Variants in RFX2 observed in about 807,000 individuals in gnomAD.
RFX2 encodes the protein regulatory factor X2.
Under a neutral mutation model 87.8 loss-of-function variants are expected in RFX2, and 20 were observed. The ratio of observed to expected loss-of-function variants is 0.23; its 90% CI spans 0.16 to 0.33. RFX2 has a LOEUF of 0.33. Among genes scored for constraint, RFX2 ranks in the 10% least tolerant of loss-of-function variants. RFX2 has a pLI of 1.00. For synonymous variants in RFX2, 397 were observed against 431.3 expected, an observed-to-expected ratio of 0.92 and a Z score of 0.98; for missense variants, 767 against 1,012.3, an observed-to-expected ratio of 0.76 and a Z score of 3.29.
chr19:6,062,905 A>G (rs2087457583), intron 1 of RFX2, among the ~76,000 whole-genome samples: 1 of 152,136 alleles, frequency 6.6e-6, no homozygotes, highest in African/African-American at 2.4e-5. Context: ...GAATGTAAAG[A>G]TCTGGGGGTC....
At chr19:6,008,383 T>C in intron 9 of RFX2, 159 bp from the exon 10 acceptor site, 1 of 476,008 alleles carries the variant, frequency 2.1e-6, no homozygotes, top group Admixed American at 3.7e-5. Flanking sequence ...TTCTTTTTTT[T>C]TTTTTTGGAG....
At position 6,047,294 on chromosome 19, in the gene RFX2, G is replaced by T; in HGVS notation, c.90+113C>A. 1.2e-6 allele frequency: 1 copy of T among 813,678 alleles called. No individual in the cohort carries two copies. The highest frequency in any genetic ancestry group is 1.9e-6 in the Non-Finnish European group (1 of 527,542). The allele number at this position is 813,678 out of a possible 1,614,324, so 50.4% of individuals were successfully genotyped here. A position where few individuals can be genotyped will look rare whatever the true frequency, so the allele number is the denominator to read the frequency against. ...ACAGCAGCAGCACTGGGACTGAGAA[G>T]TCCATTCAGAAAAATACAGATTCCT... On this transcript the variant is annotated intron_variant, in intron 2 of 17. Transcript: ENST00000303657. The surrounding 1 kb of genome is among the most constrained non-coding windows in gnomAD (Gnocchi z 4.2).
In RFX2 at chr19:6,042,041, C is replaced by G. The variant is rs1173525354; in HGVS notation, c.260+3G>C. The G allele has an allele frequency of 6.2e-7, 1 of 1,613,432 alleles. No individual in the cohort carries two copies. The highest frequency in any genetic ancestry group is 1.3e-5 in the African/African-American group (1 of 74,906). ...GGGTGTGGCCCGCGGGAGAAGCACGCACATGGCTCCATTGGTGTAGACGGC... is the reference window on the plus strand; with the variant it reads ...GGGTGTGGCCCGCGGGAGAAGCACGGACATGGCTCCATTGGTGTAGACGGC... On this transcript the variant is annotated splice_donor_region_variant and intron_variant, in intron 4 of 17. Coordinates refer to ENST00000303657, the MANE Select transcript of RFX2 (RefSeq NM_000635.4).
Position 5,994,904 on chromosome 19 carries a change from G to A in RFX2, c.2103C>T (p.Ala701=). The change falls in exon 18 of 18, where the codon GCC becomes GCT. Residue 701 remains alanine, a synonymous_variant. Coordinates refer to ENST00000303657, the MANE Select transcript of RFX2 (RefSeq NM_000635.4). ...TTACCAGGGGCTCACCCAGGCTGCG[G>A]GCGTCTGGGCCCGCCTCGCTGCCAC... ...EQRGSEAGPD[A]RSLGEPLVKR... The A allele has an allele frequency of 6.2e-7, 1 of 1,609,884 alleles. No homozygotes were observed. The highest frequency in any genetic ancestry group is 1.3e-5 in the African/African-American group (1 of 75,060).
chr19:6,079,335 CTG>C (rs2087743496), intron 1 of RFX2, among the ~76,000 whole-genome samples: 2 of 152,220 alleles, frequency 1.3e-5, no homozygotes, highest in African/African-American at 2.4e-5. Context: ...CACACAAGGA[CTG>C]TGCTCCAGCA....
Position 6,056,763 on chromosome 19 carries a change from C to T in RFX2, c.-8-9259G>A, listed in dbSNP as rs1385436158. ...CCTTGCTTTCTCGCGTTCCTTTGTC[C>T]TCTCTTCTGTTTTTCTTCCTGTGGC... On this transcript the variant is annotated intron_variant, in intron 1 of 17. Transcript: ENST00000303657. The surrounding 1 kb of genome is among the most constrained non-coding windows in gnomAD (Gnocchi z 4.6). Among the ~76,000 whole-genome samples the T allele has an allele frequency of 2.0e-5, 3 of 152,188 alleles. No homozygotes were observed. The highest frequency in any genetic ancestry group is 7.2e-5 in the African/African-American group (3 of 41,436).
At chr19:6,085,158 A>G (rs1028149059) in intron 1 of RFX2, among the ~76,000 whole-genome samples, 1 of 152,056 alleles carries the variant, frequency 6.6e-6, no homozygotes, top group South Asian at 2.1e-4. Context: ...TGCTATGAAC[A>G]TGAGTGTACA....
rs1397402587 is a variant in RFX2 at position 6,004,123 on chromosome 19, A to T, written c.1500+78T>A. 1.8e-6 allele frequency: 2 copies of T among 1,085,018 alleles called. No homozygotes were observed. The highest frequency in any genetic ancestry group is 3.1e-5 in the African/African-American group (2 of 64,610). The allele number at this position is 1,085,018 out of a possible 1,614,324, so 67.2% of individuals were successfully genotyped here. ...GGAAGAAGCCAGCGCTCTCTGGGAC[A>T]CAGTGGTCCTCATGCTGTCCTGGAC... On this transcript the variant is annotated intron_variant, in intron 13 of 17. Coordinates refer to ENST00000303657, the MANE Select transcript of RFX2 (RefSeq NM_000635.4). The surrounding 1 kb of genome is among the most constrained non-coding windows in gnomAD (Gnocchi z 4.8).
At position 6,074,182 on chromosome 19, in the gene RFX2, C is replaced by T. The variant is rs558127444; in HGVS notation, c.-8-26678G>A. ...CGGACCAGGTGGGCAAACAGAGAGC[C>T]GGGGTTTTGTAGCAGGGGTGGGGGT... On this transcript the variant is annotated intron_variant, in intron 1 of 17. Transcript: ENST00000303657. This position sits in a 1 kb window ranked among gnomAD's most constrained non-coding sequence, Gnocchi z 5.2. Among the ~76,000 whole-genome samples, 7 of 152,068 alleles carry T rather than the reference C, an allele frequency of 4.6e-5. No homozygotes were observed. Among genetic ancestry groups the T allele is most frequent in the African/African-American group, 1.4e-4 (6 of 41,398 alleles).
In RFX2 at chr19:6,021,441, T is replaced by C. The variant is rs1275815684; in HGVS notation, c.597+4722A>G. Among the ~76,000 whole-genome samples the C allele has an allele frequency of 1.3e-5, 2 of 151,924 alleles. No homozygotes were observed. The highest frequency in any genetic ancestry group is 2.4e-5 in the African/African-American group (1 of 41,352). On this transcript the variant is annotated intron_variant, in intron 6 of 17. Transcript: ENST00000303657. This position sits in a 1 kb window ranked among gnomAD's most constrained non-coding sequence, Gnocchi z 5.7. Reference sequence around the variant, plus strand: ...CCGAGTGCCGTCAGAGAAATTCACCTGGGAAAGGGGATGGGGTCGCCGCCA... The same window carrying C: ...CCGAGTGCCGTCAGAGAAATTCACCCGGGAAAGGGGATGGGGTCGCCGCCA...
rs1270550249 is a variant in RFX2, at chr19:6,004,644, G to A, written c.1403-346C>T. Among the ~76,000 whole-genome samples the A allele has an allele frequency of 6.6e-6, 1 of 151,532 alleles. No homozygotes were observed. The highest frequency in any genetic ancestry group is 1.5e-5 in the Non-Finnish European group (1 of 67,858). ...CTCCTCAGCACCCCACAGTGCCCAG[G>A]AGGGCCCCACCCCAGACAACGATCC... is the stretch of plus-strand genomic sequence containing the variant. On this transcript the variant is annotated intron_variant, in intron 12 of 17. Transcript: ENST00000303657. The surrounding 1 kb of genome is among the most constrained non-coding windows in gnomAD (Gnocchi z 4.8).
At chr19:6,062,103 G>A (rs2144811186) in intron 1 of RFX2, among the ~76,000 whole-genome samples, 1 of 152,254 alleles carries the variant, frequency 6.6e-6, no homozygotes, top group African/African-American at 2.4e-5. Context: ...TGAGGTTGAA[G>A]TAAGCTGACT....
chr19:6,047,402 G>C lies in RFX2; in HGVS notation c.90+5C>G. 6.2e-7 allele frequency: 1 copy of C among 1,603,430 alleles called. No homozygotes were observed. The highest frequency in any genetic ancestry group is 8.5e-7 in the Non-Finnish European group (1 of 1,175,216). On this transcript the variant is annotated splice_donor_5th_base_variant and intron_variant, in intron 2 of 17. Coordinates refer to ENST00000303657, the MANE Select transcript of RFX2 (RefSeq NM_000635.4). This position sits in a 1 kb window ranked among gnomAD's most constrained non-coding sequence, Gnocchi z 4.2. Reference sequence around the variant, plus strand: ...ACCCTGTTGTTGCTGAGAGGCGCGCGTTACCTGCGGGGAGGCTGGCACAGG... The same window carrying C: ...ACCCTGTTGTTGCTGAGAGGCGCGCCTTACCTGCGGGGAGGCTGGCACAGG...
rs1037513918 is a variant in RFX2, at chr19:6,004,809, A to C, written c.1403-511T>G. On this transcript the variant is annotated intron_variant, in intron 12 of 17. Coordinates refer to ENST00000303657, the MANE Select transcript of RFX2 (RefSeq NM_000635.4). The surrounding 1 kb of genome is among the most constrained non-coding windows in gnomAD (Gnocchi z 4.8). ...CAAATGATCAGACTGTTAAAAAAAA[A>C]AAAAACCAAAAAACAAAAACAGAAA... 6.6e-6 allele frequency among the ~76,000 whole-genome samples: 1 copy of C among 152,084 alleles called. No homozygotes were observed. Among genetic ancestry groups the C allele is most frequent in the African/African-American group, 2.4e-5 (1 of 41,440 alleles).
Position 5,998,307 on chromosome 19 carries a change from C to CA in RFX2, c.1860-1095dup, listed in dbSNP as rs948122437. Among the ~76,000 whole-genome samples the CA allele has an allele frequency of 2.3e-4, 35 of 150,432 alleles. No homozygotes were observed. The highest frequency in any genetic ancestry group is 7.1e-4 in the African/African-American group (29 of 41,004). On this transcript the variant is annotated intron_variant, in intron 15 of 17. Coordinates refer to ENST00000303657, the MANE Select transcript of RFX2 (RefSeq NM_000635.4). The surrounding 1 kb of genome is among the most constrained non-coding windows in gnomAD (Gnocchi z 4.2). ...TGGGTGACAGAGCAACACTCCATCT[C>CA]AAAAAAAAAGAATGAAGTGGAACAA...
At chr19:6,019,584 G>GAATA (rs1568509695) in intron 6 of RFX2, among the ~76,000 whole-genome samples, 8 of 111,026 alleles carry the variant, frequency 7.2e-5, no homozygotes, top group African/African-American at 2.7e-4. Flanking sequence ...TTAGAGACAG[G>GAATA]GATATATATA....
rs1239294628 is a variant in RFX2, at chr19:6,101,264, A to C, written c.-9+9129T>G. 6.6e-6 allele frequency among the ~76,000 whole-genome samples: 1 copy of C among 152,232 alleles called. No homozygotes were observed. Among genetic ancestry groups the C allele is most frequent in the African/African-American group, 2.4e-5 (1 of 41,464 alleles). On this transcript the variant is annotated intron_variant, in intron 1 of 17. Transcript: ENST00000303657. The surrounding 1 kb of genome is among the most constrained non-coding windows in gnomAD (Gnocchi z 4.9). ...AAGAAAACGAATAATTCCTTTTAAAATCAGAAGCACATCTTTTAGTCTGTT... is the reference window on the plus strand; with the variant it reads ...AAGAAAACGAATAATTCCTTTTAAACTCAGAAGCACATCTTTTAGTCTGTT...
chr19:6,034,227 AT>A (rs1167004611), intron 5 of RFX2, among the ~76,000 whole-genome samples: 7,674 of 117,572 alleles, frequency 0.065, 580 homozygotes, highest in African/African-American at 0.23. Flanking sequence ...CACACTGCTA[AT>A]TTTTTTTTTT....
intron 7 of RFX2, 108 bp downstream of exon 7, chr19:6,015,982 G>A (rs2086720938): frequency 9.1e-7 from 1 of 1,095,958 alleles, no homozygotes; most frequent in East Asian, 2.6e-5. Flanking sequence ...AGAGGTGGCT[G>A]CGAATCAGGC....
Sources: gnomAD v4.1 joint callset for allele counts (sites outside exome capture counted in the v4.1 genomes callset) on GRCh38, gnomAD v4.1.1 for gene constraint, Gnocchi (gnomAD v3.1) non-coding constraint, MANE v1.5 for transcripts, NCBI Gene and HGNC (gene_info 2026-07-23, HGNC 2026-07-21) for gene names.